Variants in SLCO4A1 observed in about 807,000 individuals in gnomAD.
SLCO4A1 encodes the protein solute carrier organic anion transporter family member 4A1.
Under a neutral mutation model 64.6 loss-of-function variants are expected in SLCO4A1, and 51 were observed. That is an observed-to-expected ratio of 0.79 (90% CI 0.63 to 1.00). SLCO4A1 has a LOEUF of 1.00. Among genes scored for constraint, SLCO4A1 ranks in the 50% least tolerant of loss-of-function variants. The pLI is 0.00. For synonymous variants in SLCO4A1, 471 were observed against 444.9 expected, an observed-to-expected ratio of 1.06 and a Z score of -0.74; for missense variants, 919 against 980.5, an observed-to-expected ratio of 0.94 and a Z score of 0.84.
At chr20:62,681,437 CGTGT>C (rs1165139092) in intron 2 of SLCO4A1, among the ~76,000 whole-genome samples, 3 of 150,646 alleles carry the variant, frequency 2.0e-5, no homozygotes, top group Admixed American at 6.6e-5. Context: ...TGTACACACT[CGTGT>C]GTGTGTATTA....
downstream of SLCO4A1, among the ~76,000 whole-genome samples, chr20:62,675,212 G>A (rs1987531438): frequency 6.6e-6 from 1 of 152,224 alleles, no homozygotes; most frequent in Admixed American, 6.5e-5. Flanking sequence ...CAAAGCGACT[G>A]GGTGTATGCT....
chr20:62,666,118 G>GCCCCCCCC (rs1325102807), intron 6 of SLCO4A1: 6 of 52,874 alleles, frequency 1.1e-4, no homozygotes, highest in African/African-American at 4.5e-4. Context: ...CCGCCCCCCC[G>GCCCCCCCC]CTCCCCCTTC....
At chr20:62,671,229 G>T (rs564808186) in intron 11 of SLCO4A1, among the ~76,000 whole-genome samples, 6 of 152,350 alleles carry the variant, frequency 3.9e-5, no homozygotes, top group Admixed American at 3.9e-4. Flanking sequence ...GACCGCAAGC[G>T]GGGTGGCCTG....
At chr20:62,676,955 C>T (rs569855223), downstream of SLCO4A1, among the ~76,000 whole-genome samples, 5 of 152,216 alleles carry the variant, frequency 3.3e-5, no homozygotes, top group Non-Finnish European at 5.9e-5. Context: ...CTTGCTTGGC[C>T]GTCAATCAGA....
downstream of SLCO4A1, among the ~76,000 whole-genome samples, chr20:62,690,580 A>G (rs924840067): frequency 6.6e-5 from 10 of 152,382 alleles, no homozygotes; most frequent in Non-Finnish European, 1.0e-4. Context: ...TAACATTTCC[A>G]TACTCTGCAG....
At chr20:62,687,926 T>C (rs1346140055), downstream of SLCO4A1, among the ~76,000 whole-genome samples, 2 of 152,044 alleles carry the variant, frequency 1.3e-5, no homozygotes, top group Non-Finnish European at 2.9e-5. Flanking sequence ...CCCGGCCATG[T>C]CCTACCAGGC....
At chr20:62,654,189 T>C (rs1376748810) in intron 1 of SLCO4A1, among the ~76,000 whole-genome samples, 1 of 152,092 alleles carries the variant, frequency 6.6e-6, no homozygotes, top group African/African-American at 2.4e-5. Context: ...GCCACGCCCG[T>C]CTCTGTCTCT....
At chr20:62,666,635 C>T in intron 7 of SLCO4A1, 60 bp downstream of exon 7, 1 of 1,426,714 alleles carries the variant, frequency 7.0e-7, no homozygotes. Flanking sequence ...GGTCCCTGGG[C>T]ATGGAGGAGG....
intron 11 of SLCO4A1, among the ~76,000 whole-genome samples, chr20:62,670,791 G>A (rs1478629683): frequency 6.6e-6 from 1 of 152,230 alleles, no homozygotes; most frequent in Non-Finnish European, 1.5e-5. Context: ...CATGTTAATT[G>A]TAGCGGGGGA....
At chr20:62,650,537 G>C (rs1471823765) in intron 1 of SLCO4A1, 3 of 152,286 alleles carry the variant, frequency 2.0e-5, no homozygotes, top group Admixed American at 1.3e-4. Flanking sequence ...CATTAGCAGT[G>C]AACGCAGAGG....
intron 5 of SLCO4A1, among the ~76,000 whole-genome samples, chr20:62,662,802 G>A (rs551296680): frequency 0.01 from 1,346 of 129,264 alleles, 5 homozygotes; most frequent in Middle Eastern, 0.035. Flanking sequence ...CACACCACAC[G>A]CCAGAACCCC....
At chr20:62,676,711 C>T (rs1601691099), downstream of SLCO4A1, among the ~76,000 whole-genome samples, 1 of 152,204 alleles carries the variant, frequency 6.6e-6, no homozygotes, top group Non-Finnish European at 1.5e-5. Context: ...AATGGCACAG[C>T]CGCTTTGGAA....
chr20:62,654,207 G>A (rs942343376), intron 1 of SLCO4A1, among the ~76,000 whole-genome samples: 1 of 152,186 alleles, frequency 6.6e-6, no homozygotes, highest in African/African-American at 2.4e-5. Flanking sequence ...TCTGTCTGCA[G>A]GTGGCCTTCT....
In SLCO4A1 at chr20:62,645,492, A is replaced by G. The variant is rs1981147172; in HGVS notation, c.-97+2939A>G. Among the ~76,000 whole-genome samples, 1 of 141,644 alleles carries G rather than the reference A, an allele frequency of 7.1e-6. No individual in the cohort carries two copies. Among genetic ancestry groups the G allele is most frequent in the Non-Finnish European group, 1.5e-5 (1 of 64,760 alleles). 92.9% of individuals were successfully genotyped at this position (141,644 alleles called of 152,430 possible). A position where few individuals can be genotyped will look rare whatever the true frequency, so the allele number is the denominator to read the frequency against. On this transcript the variant is annotated intron_variant, in intron 1 of 11. Transcript: ENST00000217159. The surrounding 1 kb of genome is among the most constrained non-coding windows in gnomAD (Gnocchi z 4.2). Reference sequence around the variant, plus strand: ...AGGGTGCGGGTGAGGACCCACCCACACCCGCACCCTCACCCTCATCCTCAC... The same window carrying G: ...AGGGTGCGGGTGAGGACCCACCCACGCCCGCACCCTCACCCTCATCCTCAC...
chr20:62,662,010 T>C (rs6011486), intron 5 of SLCO4A1, among the ~76,000 whole-genome samples: 5 of 152,210 alleles, frequency 3.3e-5, no homozygotes, highest in African/African-American at 1.2e-4. Flanking sequence ...GGGAGACTCT[T>C]GTGCCCTTGT....
Position 62,645,762 on chromosome 20 carries a change from A to G in SLCO4A1, c.-97+3209A>G, listed in dbSNP as rs1981211584. Reference sequence around the variant, plus strand: ...GTCGCTTTTGGGTGCCAGAGAGCCCAGATTCCTCTCCCTCCCACGCGCAGC... The same window carrying G: ...GTCGCTTTTGGGTGCCAGAGAGCCCGGATTCCTCTCCCTCCCACGCGCAGC... On this transcript the variant is annotated intron_variant, in intron 1 of 11. Coordinates refer to ENST00000217159, the MANE Select transcript of SLCO4A1 (RefSeq NM_016354.4). This position sits in a 1 kb window ranked among gnomAD's most constrained non-coding sequence, Gnocchi z 4.2. Among the ~76,000 whole-genome samples, 1 of 151,558 alleles carries G rather than the reference A, an allele frequency of 6.6e-6. No individual in the cohort carries two copies. Among genetic ancestry groups the G allele is most frequent in the Non-Finnish European group, 1.5e-5 (1 of 67,912 alleles).
At position 62,645,847 on chromosome 20, in the gene SLCO4A1, C is replaced by CT. The variant is rs1981228567; in HGVS notation, c.-97+3296dup. On this transcript the variant is annotated intron_variant, in intron 1 of 11. Coordinates refer to ENST00000217159, the MANE Select transcript of SLCO4A1 (RefSeq NM_016354.4). The surrounding 1 kb of genome is among the most constrained non-coding windows in gnomAD (Gnocchi z 4.2). ...TGGTGGTTTTTCTAATCTGGCAAGCCTTGGGGGGCACCTGAGGCATTGCCC... is the reference window on the plus strand; with the variant it reads ...TGGTGGTTTTTCTAATCTGGCAAGCCTTTGGGGGGCACCTGAGGCATTGCCC... 6.6e-6 allele frequency among the ~76,000 whole-genome samples: 1 copy of CT among 151,994 alleles called. No individual in the cohort carries two copies. The highest frequency in any genetic ancestry group is 1.5e-5 in the Non-Finnish European group (1 of 67,994).
chr20:62,667,759 G>A lies in SLCO4A1; in HGVS notation c.1487G>A (p.Gly496Asp), dbSNP rs200147627. The A allele has an allele frequency of 2.7e-5, 44 of 1,608,328 alleles. No homozygotes were observed. In the African/African-American group the frequency reaches 4.8e-4, roughly 18 times the overall value. ...CCCCTCTGCAGCCTCCTGCCCGAAG[G>A]CCACCTGAACCTAACGGCTCCCTGC... ...ASYGGSLLPEGHLNLTAPCNA... is the reference protein window; with the variant it reads ...ASYGGSLLPEDHLNLTAPCNA... The change falls in exon 8 of 12, where the codon GGC becomes GAC. Residue 496 changes from glycine to aspartate, a missense_variant. By Grantham distance (94) the Gly-to-Asp change is moderately conservative. Transcript: ENST00000217159.
chr20:62,657,092 G>A lies in SLCO4A1; in HGVS notation c.638G>A (p.Gly213Asp). Residue 213 changes from glycine (G) to aspartate (D), a missense_variant, in exon 2 of 12, where the codon GGC becomes GAC. Transcript: ENST00000217159. ...GTCAGGACGTGCCCTGCCAACCCCG[G>A]CGCGGTGTGTGCGGACAGCACCTCG... Reference protein sequence around the residue: ...AGVRTCPANPGAVCADSTSGL... With the variant: ...AGVRTCPANPDAVCADSTSGL... 6.2e-7 allele frequency: 1 copy of A among 1,600,962 alleles called. No homozygotes were observed. Among genetic ancestry groups the A allele is most frequent in the Non-Finnish European group, 8.5e-7 (1 of 1,175,762 alleles).
Sources: gnomAD v4.1 joint callset for allele counts (sites outside exome capture counted in the v4.1 genomes callset) on GRCh38, gnomAD v4.1.1 for gene constraint, Gnocchi (gnomAD v3.1) non-coding constraint, MANE v1.5 for transcripts, NCBI Gene and HGNC (gene_info 2026-07-23, HGNC 2026-07-21) for gene names.